Variants in MGAT4C observed in about 807,000 individuals in gnomAD.
MGAT4C encodes the protein MGAT4 family member C.
A neutral mutation model predicts 40.1 loss-of-function variants in MGAT4C; 19 were observed. That is an observed-to-expected ratio of 0.47 (90% CI 0.33 to 0.70). MGAT4C has a LOEUF of 0.70. Ranked by LOEUF, MGAT4C falls within the 30% of genes least tolerant of loss-of-function variation. The pLI is 0.02. For missense variants in MGAT4C, 491 were observed against 563.2 expected, an observed-to-expected ratio of 0.87 and a Z score of 1.30; for synonymous variants, 181 against 187.1, an observed-to-expected ratio of 0.97 and a Z score of 0.27.
intron 1 of MGAT4C, among the ~76,000 whole-genome samples, chr12:86,736,037 A>G: frequency 6.6e-6 from 1 of 151,864 alleles, no homozygotes; most frequent in Non-Finnish European, 1.5e-5. Flanking sequence ...GCTGTCATCA[A>G]AAGTCCCCTT....
At chr12:86,614,457 G>T (rs1207153467) in intron 2 of MGAT4C, among the ~76,000 whole-genome samples, 1 of 151,988 alleles carries the variant, frequency 6.6e-6, no homozygotes, top group African/African-American at 2.4e-5. Context: ...GGTAATCTCT[G>T]CAAATGATAA....
Position 86,034,073 on chromosome 12 carries a change from T to C in MGAT4C, c.-7+15601A>G, listed in dbSNP as rs1190759428. Among the ~76,000 whole-genome samples, 2 of 149,940 alleles carry C rather than the reference T, an allele frequency of 1.3e-5. 1 individual carries two copies. The highest frequency in any genetic ancestry group is 3.0e-5 in the Non-Finnish European group (2 of 66,836). ...ATCACATTTACTGATTTGCATATGT[T>C]GAACCAGCCTTGCATCCCAGGGACG... On this transcript the variant is annotated intron_variant, in intron 2 of 4. Transcript: ENST00000611864.
chr12:86,304,977 T>G (rs1374897921), intron 4 of MGAT4C, among the ~76,000 whole-genome samples: 2 of 150,956 alleles, frequency 1.3e-5, no homozygotes, highest in Non-Finnish European at 2.9e-5. Flanking sequence ...AATAACTTTC[T>G]GTTATTTTAA....
intron 1 of MGAT4C, among the ~76,000 whole-genome samples, chr12:86,810,578 G>T (rs1313249956): frequency 6.6e-6 from 1 of 151,680 alleles, no homozygotes; most frequent in East Asian, 1.9e-4. Flanking sequence ...TTGTGTCAAT[G>T]GATATGATCA....
At chr12:86,763,308 C>G (rs113935275) in intron 1 of MGAT4C, among the ~76,000 whole-genome samples, 1 of 152,146 alleles carries the variant, frequency 6.6e-6, no homozygotes, top group Non-Finnish European at 1.5e-5. Flanking sequence ...ATATTGAAAA[C>G]TAGGTAGGGT....
At chr12:86,784,946 T>C (rs566160727) in intron 1 of MGAT4C, among the ~76,000 whole-genome samples, 77 of 152,098 alleles carry the variant, frequency 5.1e-4, no homozygotes, top group African/African-American at 1.8e-3. Context: ...ATCAGTTTCA[T>C]ATCAGTAATC....
At chr12:86,607,825 G>A (rs541022544) in intron 2 of MGAT4C, among the ~76,000 whole-genome samples, 8 of 152,170 alleles carry the variant, frequency 5.3e-5, no homozygotes, top group African/African-American at 1.9e-4. Context: ...AATAAATTAA[G>A]AGTCATGGCA....
chr12:86,750,708 A>G (rs1203663514), intron 1 of MGAT4C, among the ~76,000 whole-genome samples: 2 of 151,932 alleles, frequency 1.3e-5, no homozygotes, highest in Non-Finnish European at 2.9e-5. Context: ...CTTGACCTCA[A>G]TTCTCTGGGG....
Position 86,402,044 on chromosome 12 carries a change from CATATTATT to C in MGAT4C, c.-120+33105_-120+33112del, listed in dbSNP as rs1180988858. 2.6e-5 allele frequency among the ~76,000 whole-genome samples: 4 copies of C among 151,994 alleles called. No individual in the cohort carries two copies. The South Asian group carries it at 6.2e-4, about 24-fold the overall frequency. ...ATGCCATATTCTATATTATTATTAA[CATATTATT>C]ATATTATTATTGTGGAAAAATCTTT... On this transcript the variant is annotated intron_variant, in intron 3 of 7. Coordinates refer to the MGAT4C transcript ENST00000548651.
rs1381174192 is a variant in MGAT4C, at chr12:85,970,773, T to C, written c.*8516A>G. 1 of 151,260 alleles carries C rather than the reference T, an allele frequency of 6.6e-6. No homozygotes were observed. Among genetic ancestry groups the C allele is most frequent in the Non-Finnish European group, 1.5e-5 (1 of 67,354 alleles). 9.4% of individuals were successfully genotyped at this position (151,260 alleles called of 1,614,324 possible). On this transcript the variant is annotated 3_prime_UTR_variant, in exon 5 of 5. Transcript: ENST00000611864. ...ATAAAAATAATTGTTTTTATTAAAG[T>C]TTATACAGCAAGATAATAAATTCAC...
At position 86,120,254 on chromosome 12, in the gene MGAT4C, G is replaced by A. The variant is rs927487875; in HGVS notation, c.-56-70531C>T. Among the ~76,000 whole-genome samples the A allele has an allele frequency of 4.0e-5, 6 of 151,408 alleles. No homozygotes were observed. The East Asian group carries it at 1.2e-3, about 29-fold the overall frequency. On this transcript the variant is annotated intron_variant, in intron 1 of 4. Transcript: ENST00000611864. ...TATTTTTTAATTATACTTTAAGTTC[G>A]AGGGTACATGTGCACAATGGGCAGA...
chr12:86,603,565 A>G (rs1185457704), intron 2 of MGAT4C, among the ~76,000 whole-genome samples: 2 of 116,248 alleles, frequency 1.7e-5, no homozygotes, highest in African/African-American at 6.9e-5. Flanking sequence ...TATAGTCTAT[A>G]GACTATAGAT....
At chr12:86,557,916 A>G (rs1245508187) in intron 2 of MGAT4C, among the ~76,000 whole-genome samples, 3 of 152,180 alleles carry the variant, frequency 2.0e-5, no homozygotes, top group Non-Finnish European at 4.4e-5. Flanking sequence ...TAATAATCAT[A>G]TTAAGGAAAC....
At chr12:86,425,379 A>T (rs967657603) in intron 3 of MGAT4C, among the ~76,000 whole-genome samples, 2 of 152,000 alleles carry the variant, frequency 1.3e-5, no homozygotes, top group Non-Finnish European at 2.9e-5. Flanking sequence ...GATGGTTTAA[A>T]AGTGTAGCAC....
chr12:86,329,293 C>T (rs1954602509), intron 4 of MGAT4C, among the ~76,000 whole-genome samples: 1 of 152,064 alleles, frequency 6.6e-6, no homozygotes. Context: ...CCTGTAATCC[C>T]AGCACTTTGG....
intron 1 of MGAT4C, among the ~76,000 whole-genome samples, chr12:86,765,959 C>T (rs1203343710): frequency 2.0e-5 from 3 of 152,146 alleles, no homozygotes; most frequent in African/African-American, 7.2e-5. Context: ...ACTGCATCAA[C>T]TAATGAGTAA....
intron 1 of MGAT4C, among the ~76,000 whole-genome samples, chr12:86,114,852 A>T (rs1039682732): frequency 1.3e-5 from 2 of 151,786 alleles, no homozygotes; most frequent in African/African-American, 4.8e-5. Flanking sequence ...TCTATTACCT[A>T]CCCTAAGGAA....
chr12:86,451,953 T>C (rs2136287811), intron 2 of MGAT4C, among the ~76,000 whole-genome samples: 1 of 152,294 alleles, frequency 6.6e-6, no homozygotes, highest in African/African-American at 2.4e-5. Flanking sequence ...TTCATTTCAA[T>C]ATCTAGTAAA....
At chr12:86,072,271 A>C (rs1868676196) in intron 1 of MGAT4C, among the ~76,000 whole-genome samples, 1 of 152,108 alleles carries the variant, frequency 6.6e-6, no homozygotes, top group Non-Finnish European at 1.5e-5. Context: ...TTATACAGAA[A>C]AGTCTTTCTG....
Sources: gnomAD v4.1 joint callset for allele counts (sites outside exome capture counted in the v4.1 genomes callset) on GRCh38, gnomAD v4.1.1 for gene constraint, MANE v1.5 for transcripts, NCBI Gene and HGNC (gene_info 2026-07-23, HGNC 2026-07-21) for gene names.